SLC6A15: variants seen among roughly 807,000 people sequenced by gnomAD.
SLC6A15 encodes the protein solute carrier family 6 member 15.
Under a neutral mutation model 68.5 loss-of-function variants are expected in SLC6A15, and 33 were observed. The observed-to-expected ratio is 0.48, with a 90% CI of 0.37 to 0.64. The LOEUF is 0.64. Ranked by LOEUF, SLC6A15 falls within the 30% of genes least tolerant of loss-of-function variation. The pLI is 0.00. For synonymous variants in SLC6A15, 347 were observed against 301.0 expected (o/e 1.15, Z -1.58); for missense variants, 747 against 874.3 (o/e 0.85, Z 1.84).
intron 1 of SLC6A15, among the ~76,000 whole-genome samples, chr12:84,907,481 A>G (rs1056787923): frequency 2.0e-5 from 3 of 152,224 alleles, no homozygotes; most frequent in Non-Finnish European, 4.4e-5. Flanking sequence ...ATTAGCCATT[A>G]GGTAAATGCA....
chr12:84,881,547 T>A, intron 5 of SLC6A15: 1 of 985,424 alleles, frequency 1.0e-6, no homozygotes, highest in Non-Finnish European at 1.2e-6. Flanking sequence ...CAAAGGACAA[T>A]GTCCCTATCA....
chr12:84,906,540 T>C (rs1226194182), intron 1 of SLC6A15, among the ~76,000 whole-genome samples: 2 of 152,154 alleles, frequency 1.3e-5, no homozygotes, highest in African/African-American at 4.8e-5. Flanking sequence ...ACTTATTATA[T>C]AGCTACAGTA....
At chr12:84,910,520 C>T (rs1262659340) in intron 1 of SLC6A15, among the ~76,000 whole-genome samples, 1 of 152,160 alleles carries the variant, frequency 6.6e-6, no homozygotes, top group Non-Finnish European at 1.5e-5. Context: ...GTCCAAACTG[C>T]ACCATGTTGT....
intron 10 of SLC6A15, among the ~76,000 whole-genome samples, chr12:84,866,684 A>G (rs905076215): frequency 2.0e-5 from 3 of 152,166 alleles, no homozygotes; most frequent in Non-Finnish European, 2.9e-5. Flanking sequence ...TCTAAGCTTG[A>G]TTTTCCTTAT....
At chr12:84,895,763 T>C (rs1477034983) in intron 1 of SLC6A15, among the ~76,000 whole-genome samples, 1 of 152,160 alleles carries the variant, frequency 6.6e-6, no homozygotes, top group Non-Finnish European at 1.5e-5. Context: ...AGAGATTTAT[T>C]AAAACTAAGT....
At position 84,873,296 on chromosome 12, in the gene SLC6A15, T is replaced by C. The variant is rs1432432259; in HGVS notation, c.900A>G (p.Arg300=). 4.3e-6 allele frequency: 7 copies of C among 1,613,972 alleles called. No homozygotes were observed. The highest frequency in any genetic ancestry group is 3.3e-5 in the Admixed American group (2 of 59,998). The change falls in exon 7 of 12, where the codon AGA becomes AGG. Residue 300 remains arginine, a synonymous_variant. Transcript: ENST00000266682. The part of the protein sequence containing the change: ...LEIMLEPKVW[R]EAATQVFFAL... The stretch of plus-strand genomic sequence containing the variant: ...CAAAGAACACTTGAGTAGCAGCTTC[T>C]CTCCAGACCTTGGGCTCCAGCATTA...
At chr12:84,888,099 G>GAA (rs147160870) in intron 2 of SLC6A15, among the ~76,000 whole-genome samples, 30 of 141,248 alleles carry the variant, frequency 2.1e-4, no homozygotes, top group African/African-American at 2.7e-4. Context: ...AAAAACAAAG[G>GAA]AAAAAAAAAA....
intron 1 of SLC6A15, among the ~76,000 whole-genome samples, chr12:84,897,911 T>C (rs1943273264): frequency 6.6e-6 from 1 of 152,188 alleles, no homozygotes; most frequent in Admixed American, 6.6e-5. Context: ...TATGGTTTAC[T>C]TTTTATAGAA....
rs149303698 is a variant in SLC6A15, at chr12:84,882,820, T to C, written c.756+1039A>G. 5.0e-3 allele frequency: 1,163 copies of C among 232,488 alleles called. 12 individuals are homozygous for C. Among genetic ancestry groups the C allele is most frequent in the African/African-American group, 0.026 (1,101 of 42,864 alleles). 14.4% of individuals were successfully genotyped at this position (232,488 alleles called of 1,614,324 possible). On this transcript the variant is annotated intron_variant, in intron 5 of 11. Coordinates refer to ENST00000266682, the MANE Select transcript of SLC6A15 (RefSeq NM_182767.6). Reference sequence around the variant, plus strand: ...TGGGATAAAGTATAAAAAGTAGTTATCACAGTACCCAAAGCAAAATACATT... The same window carrying C: ...TGGGATAAAGTATAAAAAGTAGTTACCACAGTACCCAAAGCAAAATACATT...
At position 84,895,339 on chromosome 12, in the gene SLC6A15, A is replaced by ATTTTTTTTTTTTTTTTTTTT. The variant is rs67339994; in HGVS notation, c.-188-3051_-188-3032dup. On this transcript the variant is annotated intron_variant, in intron 1 of 11. Transcript: ENST00000266682. ...CTTAGATGTTTTCATTTTTGTTTGT[A>ATTTTTTTTTTTTTTTTTTTT]TTTTTTTTTTTTTTTTTTTTTTTTT... Among the ~76,000 whole-genome samples, 23 of 54,786 alleles carry ATTTTTTTTTTTTTTTTTTTT rather than the reference A, an allele frequency of 4.2e-4. 4 individuals are homozygous for ATTTTTTTTTTTTTTTTTTTT. The highest frequency in any genetic ancestry group is 1.3e-3 in the African/African-American group (19 of 14,842). The allele number at this position is 54,786 out of a possible 152,430, so 35.9% of individuals were successfully genotyped here. A position where few individuals can be genotyped will look rare whatever the true frequency, so the allele number is the denominator to read the frequency against.
intron 4 of SLC6A15, among the ~76,000 whole-genome samples, chr12:84,885,096 T>C (rs1173562320): frequency 1.3e-5 from 2 of 152,026 alleles, no homozygotes; most frequent in Non-Finnish European, 2.9e-5. Context: ...TTCAAATTCT[T>C]ATTTCTGTCC....
rs1565720908 is a variant in SLC6A15, at chr12:84,869,485, A to T, written c.1495+993T>A. On this transcript the variant is annotated intron_variant, in intron 9 of 11. Coordinates refer to ENST00000266682, the MANE Select transcript of SLC6A15 (RefSeq NM_182767.6). ...GTCTCAAAAAAAAAAAAAAAAAAAA[A>T]AAGCCTTGGGGAATTGCACACCACT... 3.3e-5 allele frequency among the ~76,000 whole-genome samples: 5 copies of T among 151,282 alleles called. No homozygotes were observed. The South Asian group carries it at 1.0e-3, about 31-fold the overall frequency.
At chr12:84,870,182 T>C (rs1051181460) in intron 9 of SLC6A15, among the ~76,000 whole-genome samples, 2 of 150,238 alleles carry the variant, frequency 1.3e-5, no homozygotes, top group Non-Finnish European at 2.9e-5. Context: ...GACTTTATTC[T>C]AGTGTCAGTC....
At chr12:84,898,604 A>T (rs1872727564) in intron 1 of SLC6A15, among the ~76,000 whole-genome samples, 1 of 152,190 alleles carries the variant, frequency 6.6e-6, no homozygotes, top group Admixed American at 6.5e-5. Flanking sequence ...CAGTTTCTTC[A>T]TTTATAAAAT....
At chr12:84,897,414 G>A (rs1422284001) in intron 1 of SLC6A15, among the ~76,000 whole-genome samples, 1 of 151,970 alleles carries the variant, frequency 6.6e-6, no homozygotes, top group Admixed American at 6.6e-5. Flanking sequence ...AATTGGTATA[G>A]CCAAACACAA....
At chr12:84,867,359 G>A (rs1871107444) in intron 9 of SLC6A15, 166 bp from the exon 10 acceptor site, 2 of 421,206 alleles carry the variant, frequency 4.7e-6, no homozygotes, top group Admixed American at 4.4e-5. Context: ...TTAGGAATTA[G>A]GTTACCTGGG....
chr12:84,872,464 T>A, intron 8 of SLC6A15, 138 bp downstream of exon 8: 1 of 522,930 alleles, frequency 1.9e-6, no homozygotes, highest in East Asian at 3.2e-5. Context: ...GAAGGACTTA[T>A]AATGCCCAGG....
intron 6 of SLC6A15, among the ~76,000 whole-genome samples, chr12:84,876,101 GGGAAAA>G (rs1871526121): frequency 6.7e-6 from 1 of 150,042 alleles, no homozygotes. Context: ...TTTTTTTTTT[GGGAAAA>G]AAAATCCTCG....
Position 84,873,347 on chromosome 12 carries a change from A to T in SLC6A15, c.868-19T>A, listed in dbSNP as rs1365178718. 1.2e-6 allele frequency: 2 copies of T among 1,607,700 alleles called. No individual in the cohort carries two copies. The highest frequency in any genetic ancestry group is 1.7e-6 in the Non-Finnish European group (2 of 1,176,982). ...TTTCAAGCTGTTTAAAAATAAACATAATAGAATCAGCTACAAAATAATGTT... is the reference window on the plus strand; with the variant it reads ...TTTCAAGCTGTTTAAAAATAAACATTATAGAATCAGCTACAAAATAATGTT... On this transcript the variant is annotated intron_variant, in intron 6 of 11. Transcript: ENST00000266682.
Sources: gnomAD v4.1 joint callset for allele counts (sites outside exome capture counted in the v4.1 genomes callset) on GRCh38, gnomAD v4.1.1 for gene constraint, MANE v1.5 for transcripts, NCBI Gene and HGNC (gene_info 2026-07-23, HGNC 2026-07-21) for gene names.